Variants in CACNA2D3 observed in about 807,000 individuals in gnomAD.
CACNA2D3 encodes voltage-dependent calcium channel subunit alpha-2/delta-3.
In CACNA2D3, 60 loss-of-function variants were observed where a neutral mutation model predicts 160.6. That is an observed-to-expected ratio of 0.37 (90% confidence interval 0.30 to 0.46). The LOEUF (loss-of-function observed/expected upper bound fraction) is 0.46, where lower values mean the gene tolerates loss of function less well. Among genes scored for constraint, CACNA2D3 ranks in the 20% least tolerant of loss-of-function variants. The probability of loss-of-function intolerance (pLI) is 1.00; values close to 1 mark genes in which losing one functional copy is unlikely to be tolerated. For synonymous variants in CACNA2D3, 558 were observed against 492.9 expected (o/e 1.13, Z -1.75); for missense variants, 1,205 against 1,365.0 (o/e 0.88, Z 1.85).
chr3:54,769,622 C>G (rs1413332815), intron 13 of CACNA2D3, among the ~76,000 whole-genome samples: 1 of 152,076 alleles, frequency 6.6e-6, no homozygotes, highest in African/African-American at 2.4e-5. Flanking sequence ...GATTAAATGT[C>G]TATGCATAGT....
chr3:54,653,818 C>T (rs1209734060), intron 11 of CACNA2D3, among the ~76,000 whole-genome samples: 2 of 152,138 alleles, frequency 1.3e-5, no homozygotes, highest in Non-Finnish European at 1.5e-5. Flanking sequence ...GCCTTGGGCT[C>T]CATCCAGGTG....
chr3:54,571,135 G>C (rs547089193), intron 8 of CACNA2D3, among the ~76,000 whole-genome samples: 27 of 152,194 alleles, frequency 1.8e-4, no homozygotes, highest in African/African-American at 6.5e-4. Context: ...AAAATTTTCT[G>C]GTTGACAATT....
intron 13 of CACNA2D3, among the ~76,000 whole-genome samples, chr3:54,804,195 A>G (rs2106679542): frequency 6.6e-6 from 1 of 152,224 alleles, no homozygotes; most frequent in East Asian, 1.9e-4. Context: ...GATCAAATTC[A>G]CACATAACAA....
At chr3:54,864,834 G>A (rs1699365091) in intron 17 of CACNA2D3, among the ~76,000 whole-genome samples, 1 of 152,176 alleles carries the variant, frequency 6.6e-6, no homozygotes, top group Admixed American at 6.5e-5. Flanking sequence ...GCTCAGAAAC[G>A]AGGTTGGGCT....
rs547495081 is a variant in CACNA2D3 at position 54,286,519 on chromosome 3, A to C, written c.205-33923A>C. 3.9e-5 allele frequency among the ~76,000 whole-genome samples: 6 copies of C among 152,362 alleles called. No homozygotes were observed. The East Asian group carries it at 1.2e-3, about 29-fold the overall frequency. On this transcript the variant is annotated intron_variant, in intron 2 of 37. Transcript: ENST00000474759. ...GAAAACACTCTGCAGGATATTATCC[A>C]GGAGAACTTCCTCAATCTAGCAAGG... is the stretch of plus-strand genomic sequence containing the variant.
At chr3:54,595,303 C>CTG (rs1702931448) in intron 9 of CACNA2D3, among the ~76,000 whole-genome samples, 1 of 147,902 alleles carries the variant, frequency 6.8e-6, no homozygotes, top group East Asian at 2.0e-4. Flanking sequence ...GCTGAAAGCT[C>CTG]TGTGTGTGTG....
chr3:54,734,792 G>T (rs907024557), intron 11 of CACNA2D3, among the ~76,000 whole-genome samples: 1 of 152,170 alleles, frequency 6.6e-6, no homozygotes, highest in Non-Finnish European at 1.5e-5. Flanking sequence ...AACATCCTCG[G>T]CTTCACTCTG....
chr3:54,199,233 G>T (rs1258323343), intron 2 of CACNA2D3, among the ~76,000 whole-genome samples: 1 of 152,128 alleles, frequency 6.6e-6, no homozygotes, highest in Non-Finnish European at 1.5e-5. Flanking sequence ...GGTTTCCTCT[G>T]TATCCCCACT....
chr3:54,901,549 C>T (rs1366468786), intron 27 of CACNA2D3, among the ~76,000 whole-genome samples: 3 of 152,152 alleles, frequency 2.0e-5, no homozygotes, highest in South Asian at 4.2e-4. Context: ...CCATAGACCA[C>T]AGGCAGGTCA....
At chr3:54,375,561 G>A (rs1443535825) in intron 3 of CACNA2D3, among the ~76,000 whole-genome samples, 1 of 152,086 alleles carries the variant, frequency 6.6e-6, no homozygotes, top group African/African-American at 2.4e-5. Flanking sequence ...GAGAACAGCA[G>A]GATGACAGAG....
rs1559595382 is a variant in CACNA2D3 at position 54,822,746 on chromosome 3, CTTTCTTTCT to C, written c.1398+5879_1398+5887del. Among the ~76,000 whole-genome samples, 169 of 64,140 alleles carry C rather than the reference CTTTCTTTCT, an allele frequency of 2.6e-3. 2 individuals carry two copies. The highest frequency in any genetic ancestry group is 0.014 in the Middle Eastern group (2 of 144). The allele number at this position is 64,140 out of a possible 152,430, so 42.1% of individuals were successfully genotyped here. A position where few individuals can be genotyped will look rare whatever the true frequency, so the allele number is the denominator to read the frequency against. On this transcript the variant is annotated intron_variant, in intron 14 of 37. Coordinates refer to ENST00000474759, the MANE Select transcript of CACNA2D3 (RefSeq NM_018398.3). ...TCTTTTTTATTTTCTTTCTTTCTTTCTTTCTTTCTTTCTTTCTTTCTTTCTTTCTTTCTT... is the reference window on the plus strand; with the variant it reads ...TCTTTTTTATTTTCTTTCTTTCTTTCTTCTTTCTTTCTTTCTTTCTTTCTT...
chr3:55,045,779 C>A (rs1050301258), intron 35 of CACNA2D3, among the ~76,000 whole-genome samples: 6 of 149,704 alleles, frequency 4.0e-5, no homozygotes, highest in African/African-American at 1.2e-4. Flanking sequence ...TATGTCTTTT[C>A]TCTTTTTACT....
Position 54,645,062 on chromosome 3 carries a change from C to G in CACNA2D3, c.1167+2821C>G, listed in dbSNP as rs568270844. 1.4e-4 allele frequency among the ~76,000 whole-genome samples: 22 copies of G among 152,298 alleles called. No homozygotes were observed. The South Asian group carries it at 4.6e-3, about 32-fold the overall frequency. On this transcript the variant is annotated intron_variant, in intron 11 of 37. Coordinates refer to ENST00000474759, the MANE Select transcript of CACNA2D3 (RefSeq NM_018398.3). ...TTTTCACACTGCTATAAAGAACTGC[C>G]TGAGAGTGGGTAATTTATAAAGAAA... is the stretch of plus-strand genomic sequence containing the variant.
chr3:54,592,833 T>G (rs1702886051), intron 9 of CACNA2D3, among the ~76,000 whole-genome samples: 1 of 152,230 alleles, frequency 6.6e-6, no homozygotes, highest in African/African-American at 2.4e-5. Context: ...CTTCATAAAC[T>G]AACAAAAGTA....
At chr3:54,198,445 C>T (rs991257690) in intron 2 of CACNA2D3, among the ~76,000 whole-genome samples, 1 of 152,254 alleles carries the variant, frequency 6.6e-6, no homozygotes, top group East Asian at 1.9e-4. Context: ...GCTGGGGTCT[C>T]TTGGCCAGGC....
intron 27 of CACNA2D3, chr3:54,924,816 TG>T: frequency 1.9e-6 from 3 of 1,613,980 alleles, no homozygotes; most frequent in Non-Finnish European, 2.5e-6. Flanking sequence ...TGTGGGAAGG[TG>T]GCTTATGTTG....
chr3:54,957,395 C>T, intron 27 of CACNA2D3, among the ~76,000 whole-genome samples: 1 of 152,160 alleles, frequency 6.6e-6, no homozygotes, highest in Non-Finnish European at 1.5e-5. Flanking sequence ...GCAGTCATCC[C>T]ATCTCAGCCT....
intron 13 of CACNA2D3, among the ~76,000 whole-genome samples, chr3:54,787,841 C>G (rs1036517233): frequency 1.3e-5 from 2 of 152,174 alleles, no homozygotes; most frequent in African/African-American, 4.8e-5. Context: ...ACCTTCACAA[C>G]AGGAAATTTG....
At chr3:54,840,600 G>C (rs1341908869) in intron 16 of CACNA2D3, among the ~76,000 whole-genome samples, 1 of 151,078 alleles carries the variant, frequency 6.6e-6, no homozygotes, top group Non-Finnish European at 1.5e-5. Context: ...TAGTAGAGAT[G>C]GGGTTTCACC....
Sources: allele counts gnomAD v4.1 joint callset (sites outside exome capture counted in the v4.1 genomes callset), GRCh38; gene constraint gnomAD v4.1.1; transcripts MANE v1.5; gene names NCBI Gene and HGNC (gene_info 2026-07-23, HGNC 2026-07-21).